HDAC9: variants seen among roughly 807,000 people sequenced by gnomAD.
The protein encoded by HDAC9 is MEF-2 interacting transcription repressor (MITR) protein.
HDAC9 carries 41 observed loss-of-function variants against 139.4 expected under a neutral mutation model. That is an observed-to-expected ratio of 0.29 (90% CI 0.23 to 0.38). The LOEUF (loss-of-function observed/expected upper bound fraction) is 0.38, where lower values mean the gene tolerates loss of function less well. Among genes scored for constraint, HDAC9 ranks in the 10% least tolerant of loss-of-function variants. The pLI is 1.00. For missense variants in HDAC9, 1,147 were observed against 1,297.0 expected (o/e 0.88, Z 1.78); for synonymous variants, 517 against 476.2 (o/e 1.09, Z -1.12).
intron 2 of HDAC9, among the ~76,000 whole-genome samples, chr7:18,227,855 G>C (rs1281570049): frequency 5.9e-5 from 9 of 152,150 alleles, no homozygotes; most frequent in Non-Finnish European, 1.0e-4. Flanking sequence ...TGACCTGTTA[G>C]TGCCTATCGG....
At chr7:18,332,897 A>C (rs567979670) in intron 1 of HDAC9, among the ~76,000 whole-genome samples, 8 of 151,546 alleles carry the variant, frequency 5.3e-5, no homozygotes, top group Non-Finnish European at 1.0e-4. Flanking sequence ...TCTTTGACAG[A>C]AATATTCTAC....
At chr7:18,760,142 A>G (rs1415040111) in intron 14 of HDAC9, among the ~76,000 whole-genome samples, 2 of 152,132 alleles carry the variant, frequency 1.3e-5, no homozygotes, top group African/African-American at 4.8e-5. Context: ...GAGGAGCTCG[A>G]AGCCCTCTTA....
intron 1 of HDAC9, among the ~76,000 whole-genome samples, chr7:18,446,873 C>T (rs1792345988): frequency 6.6e-6 from 1 of 152,118 alleles, no homozygotes; most frequent in Non-Finnish European, 1.5e-5. Flanking sequence ...GTAAGTGTAA[C>T]ATGATTAATT....
chr7:18,980,990 A>T (rs1269617177), intron 25 of HDAC9, among the ~76,000 whole-genome samples: 1 of 151,228 alleles, frequency 6.6e-6, no homozygotes, highest in Non-Finnish European at 1.5e-5. Flanking sequence ...TGGCCAGCTA[A>T]TTTTTTTTGT....
chr7:18,888,053 C>G (rs1263569522), intron 22 of HDAC9, among the ~76,000 whole-genome samples: 3 of 152,200 alleles, frequency 2.0e-5, no homozygotes, highest in African/African-American at 7.2e-5. Context: ...TCCCAAGTCA[C>G]CTAACTGTTA....
Position 18,629,466 on chromosome 7 carries a change from A to G in HDAC9, c.781A>G (p.Met261Val). 1.2e-6 allele frequency: 2 copies of G among 1,612,198 alleles called. No homozygotes were observed. Among genetic ancestry groups the G allele is most frequent in the South Asian group, 1.1e-5 (1 of 90,986 alleles). The change falls in exon 7 of 26, where the codon ATG becomes GTG. Residue 261 changes from methionine (M) to valine (V), a missense_variant. Physicochemically the swap from Met to Val is conservative, Grantham distance 21. This residue lies in a region of HDAC9 where 264 missense variants were observed against 273.8 expected (regional missense o/e 0.96). Coordinates refer to ENST00000686413, the MANE Select transcript of HDAC9 (RefSeq NM_178425.4). Reference sequence around the variant, plus strand: ...TGTTGTCACTTCATTCAAGAAGCGAATGTTTGAGGTGACAGGTAATTGAGG... The same window carrying G: ...TGTTGTCACTTCATTCAAGAAGCGAGTGTTTGAGGTGACAGGTAATTGAGG... ...GNVVTSFKKR[M>V]FEVTESSVSS...
intron 1 of HDAC9, among the ~76,000 whole-genome samples, chr7:18,372,495 A>G (rs1441181825): frequency 6.6e-6 from 1 of 152,234 alleles, no homozygotes; most frequent in Non-Finnish European, 1.5e-5. Flanking sequence ...CAGATGTTAA[A>G]TGAAGACTAT....
intron 2 of HDAC9, among the ~76,000 whole-genome samples, chr7:18,525,637 A>G (rs1806593804): frequency 6.6e-6 from 1 of 152,080 alleles, no homozygotes; most frequent in South Asian, 2.1e-4. Context: ...TTTTTCATAT[A>G]TACTGTATTG....
intron 1 of HDAC9, among the ~76,000 whole-genome samples, chr7:18,464,036 A>T (rs1350019952): frequency 2.0e-5 from 3 of 151,954 alleles, no homozygotes; most frequent in African/African-American, 7.2e-5. Flanking sequence ...GCATTTACTG[A>T]GGGAAATATG....
intron 6 of HDAC9, among the ~76,000 whole-genome samples, chr7:18,620,119 C>T (rs1393108577): frequency 6.6e-6 from 1 of 152,076 alleles, no homozygotes; most frequent in African/African-American, 2.4e-5. Flanking sequence ...GAATAAATAG[C>T]TAAAGGATTT....
intron 2 of HDAC9, among the ~76,000 whole-genome samples, chr7:18,512,017 CA>C (rs11337572): frequency 0.43 from 41,489 of 96,660 alleles, 6,242 homozygotes; most frequent in Admixed American, 0.5. Flanking sequence ...ATGAATTAAG[CA>C]AAAAAAAAAA....
At chr7:18,900,146 A>C (rs931374812) in intron 22 of HDAC9, among the ~76,000 whole-genome samples, 1 of 152,146 alleles carries the variant, frequency 6.6e-6, no homozygotes, top group African/African-American at 2.4e-5. Context: ...ATTTTGCTTT[A>C]ATTGTGATAC....
At chr7:18,872,186 G>A (rs1798970965) in intron 21 of HDAC9, among the ~76,000 whole-genome samples, 1 of 152,064 alleles carries the variant, frequency 6.6e-6, no homozygotes, top group Non-Finnish European at 1.5e-5. Context: ...TCTATCAGGT[G>A]ATGTATCCTT....
At chr7:18,192,440 G>A (rs1164801927) in intron 2 of HDAC9, among the ~76,000 whole-genome samples, 4 of 152,062 alleles carry the variant, frequency 2.6e-5, no homozygotes, top group Non-Finnish European at 2.9e-5. Context: ...GCTCACTTAC[G>A]TTGCCAGATT....
chr7:18,528,525 GTCTTC>G (rs1028481127), intron 2 of HDAC9, among the ~76,000 whole-genome samples: 1 of 152,010 alleles, frequency 6.6e-6, no homozygotes, highest in African/African-American at 2.4e-5. Context: ...TTAAGGTTTA[GTCTTC>G]TCTTCTTTGC....
chr7:18,219,238 T>C (rs1256298342), intron 2 of HDAC9, among the ~76,000 whole-genome samples: 2 of 152,204 alleles, frequency 1.3e-5, no homozygotes, highest in Non-Finnish European at 2.9e-5. Flanking sequence ...TAATTACTTT[T>C]AAAGTTGTAA....
intron 1 of HDAC9, among the ~76,000 whole-genome samples, chr7:18,147,297 T>C (rs894293508): frequency 1.3e-5 from 2 of 152,180 alleles, no homozygotes; most frequent in Non-Finnish European, 2.9e-5. Flanking sequence ...TGAAATTGCT[T>C]AAAATAAAAG....
intron 2 of HDAC9, among the ~76,000 whole-genome samples, chr7:18,542,639 T>C (rs1315542042): frequency 6.6e-6 from 1 of 152,146 alleles, no homozygotes; most frequent in Non-Finnish European, 1.5e-5. Flanking sequence ...AATAACATCA[T>C]GATATATAAA....
At chr7:18,285,102 A>T (rs913225723) in intron 2 of HDAC9, among the ~76,000 whole-genome samples, 7 of 152,052 alleles carry the variant, frequency 4.6e-5, no homozygotes, top group Non-Finnish European at 8.8e-5. Flanking sequence ...CAGTCTTCAC[A>T]CTCTGGGCTT....
Sources: gnomAD v4.1 joint callset for allele counts (sites outside exome capture counted in the v4.1 genomes callset) on GRCh38, gnomAD v4.1.1 for gene constraint, gnomAD v4.1.1 regional missense constraint, MANE v1.5 for transcripts, NCBI Gene and HGNC (gene_info 2026-07-23, HGNC 2026-07-21) for gene names.